Variants in UBN2 observed in about 807,000 individuals in gnomAD.
UBN2 encodes the protein ubinuclein 2, also known as ubinuclein-2.
A neutral mutation model predicts 120.2 loss-of-function variants in UBN2; 35 were observed. That is an observed-to-expected ratio of 0.29 (90% CI 0.22 to 0.39). The LOEUF (loss-of-function observed/expected upper bound fraction) is 0.39. UBN2 is among the 10% of genes least tolerant of loss of function. The probability of loss-of-function intolerance (pLI) is 1.00; values close to 1 mark genes in which losing one functional copy is unlikely to be tolerated. For synonymous variants in UBN2, 661 were observed against 648.7 expected (o/e 1.02, Z -0.29); for missense variants, 1,693 against 1,663.2 (o/e 1.02, Z -0.31).
chr7:139,257,198 A>G (rs969376934), intron 3 of UBN2, among the ~76,000 whole-genome samples: 2 of 152,164 alleles, frequency 1.3e-5, no homozygotes, highest in African/African-American at 2.4e-5. Context: ...AGCCATCTTT[A>G]TCAGGTGAGG....
At position 139,283,837 on chromosome 7, in the gene UBN2, C is replaced by G. The variant is rs753195328; in HGVS notation, c.2932C>G (p.Leu978Val). 3.7e-5 allele frequency: 60 copies of G among 1,614,054 alleles called. No homozygotes were observed. The East Asian group carries it at 3.8e-4, about 10-fold the overall frequency. ...ACTTATTAAGACTTCAGATAAGCCA[C>G]TTATGTACCGCCTTCCCTTATCTAC... ...SSLIKTSDKP[L>V]MYRLPLSTPS... is the part of the protein sequence containing the mutation. Residue 978 changes from leucine (L) to valine (V), a missense_variant, in exon 15 of 18, where the codon CTT becomes GTT. Physicochemically the swap from Leu to Val is conservative, Grantham distance 32. Coordinates refer to ENST00000473989, the MANE Select transcript of UBN2 (RefSeq NM_173569.4).
rs958478773 is a variant in UBN2, at chr7:139,305,507, C to G, written c.*7671C>G. Reference sequence around the variant, plus strand: ...TTAAATTTTATTTTTCTCATAGACTCTCAAAGTACCACTTGCTTGAAAGTA... The same window carrying G: ...TTAAATTTTATTTTTCTCATAGACTGTCAAAGTACCACTTGCTTGAAAGTA... On this transcript the variant is annotated 3_prime_UTR_variant, in exon 18 of 18. Transcript: ENST00000473989. 2 of 152,220 alleles carry G rather than the reference C, an allele frequency of 1.3e-5. No homozygotes were observed. Among genetic ancestry groups the G allele is most frequent in the Non-Finnish European group, 1.5e-5 (1 of 68,032 alleles). 9.4% of individuals were successfully genotyped at this position (152,220 alleles called of 1,614,324 possible).
the UBN2 span, among the ~76,000 whole-genome samples, chr7:139,324,985 AT>A: frequency 6.6e-6 from 1 of 152,046 alleles, no homozygotes; most frequent in African/African-American, 2.4e-5. Flanking sequence ...AAAAAATAAG[AT>A]TTTTCAGAAC....
chr7:139,261,467 T>A lies in UBN2; in HGVS notation c.1121T>A (p.Leu374Gln), dbSNP rs747208119. The A allele has an allele frequency of 2.5e-6, 4 of 1,614,246 alleles. No homozygotes were observed. In the East Asian group the frequency reaches 6.7e-5, roughly 27 times the overall value. The change falls in exon 6 of 18, where the codon CTG (leucine) becomes CAG (glutamine). Residue 374 changes from leucine to glutamine, a missense_variant. This residue lies in a region of UBN2 where 663 missense variants were observed against 591.2 expected (regional missense o/e 1.12). Transcript: ENST00000473989. Reference sequence around the variant, plus strand: ...GGGAATGACGTCCCGGACTTAAATCTGAGCAGCGGTGATCCAGACCTTCCC... The same window carrying A: ...GGGAATGACGTCCCGGACTTAAATCAGAGCAGCGGTGATCCAGACCTTCCC... ...ALGNDVPDLN[L>Q]SSGDPDLPIF...
chr7:139,254,224 C>T (rs1271798130), intron 3 of UBN2, among the ~76,000 whole-genome samples: 1 of 151,990 alleles, frequency 6.6e-6, no homozygotes, highest in Admixed American at 6.6e-5. Context: ...ACCCGGGAGG[C>T]GGAGCTTGCA....
At chr7:139,275,911 G>A (rs992466118) in intron 11 of UBN2, among the ~76,000 whole-genome samples, 186 bp from the exon 12 acceptor site, 17 of 152,106 alleles carry the variant, frequency 1.1e-4, no homozygotes, top group Non-Finnish European at 2.4e-4. Flanking sequence ...GGAGGCCTAG[G>A]TTATAGTGAG....
chr7:139,326,256 A>AAAACAAACAAAC, the UBN2 span, among the ~76,000 whole-genome samples: 1 of 151,662 alleles, frequency 6.6e-6, no homozygotes, highest in South Asian at 2.1e-4. Flanking sequence ...ACTCTGTCTC[A>AAAACAAACAAAC]AAACAAACAA....
intron 2 of UBN2, among the ~76,000 whole-genome samples, chr7:139,241,032 A>G (rs1357145923): frequency 2.6e-5 from 4 of 152,206 alleles, no homozygotes; most frequent in East Asian, 3.8e-4. Context: ...TAAGGCTCCA[A>G]AATGTTTAGG....
At position 139,258,530 on chromosome 7, in the gene UBN2, G is replaced by A. The variant is rs796374592; in HGVS notation, c.706G>A (p.Gly236Ser). The A allele has an allele frequency of 6.2e-7, 1 of 1,600,008 alleles. No homozygotes were observed. The change falls in exon 4 of 18, where the codon GGC (glycine) becomes AGC (serine). Residue 236 changes from glycine (G) to serine (S), a missense_variant. Coordinates refer to ENST00000473989, the MANE Select transcript of UBN2 (RefSeq NM_173569.4). ...VPASLTTKYG[G>S]FYINTGTLQF... Reference sequence around the variant, plus strand: ...CGCTTCTCTAACAACAAAATATGGAGGCTTTTATATCAACACTGGCACTCT... The same window carrying A: ...CGCTTCTCTAACAACAAAATATGGAAGCTTTTATATCAACACTGGCACTCT...
the UBN2 span, among the ~76,000 whole-genome samples, chr7:139,315,883 C>G: frequency 1.3e-5 from 2 of 151,976 alleles, no homozygotes; most frequent in African/African-American, 4.8e-5. Flanking sequence ...TCGAGACCAG[C>G]CTGGCCAACA....
chr7:139,297,959 A>G lies in UBN2; in HGVS notation c.*123A>G. The G allele has an allele frequency of 9.2e-7, 1 of 1,088,086 alleles. No homozygotes were observed. The highest frequency in any genetic ancestry group is 1.4e-6 in the Non-Finnish European group (1 of 729,404). 67.4% of individuals were successfully genotyped at this position (1,088,086 alleles called of 1,614,324 possible). A position where few individuals can be genotyped will look rare whatever the true frequency, so the allele number is the denominator to read the frequency against. On this transcript the variant is annotated 3_prime_UTR_variant, in exon 18 of 18. Transcript: ENST00000473989. ...ATGTTTACATTCTCTCGTCCCAAGC[A>G]CTGTGGTGAGGAGGAAAAAGAAAAG...
Position 139,279,292 on chromosome 7 carries a change from A to T in UBN2, c.2025-26A>T, listed in dbSNP as rs771625785. The stretch of plus-strand genomic sequence containing the variant: ...TGAGCAATATAACTGCTACTGAAAT[A>T]GCCTTTTAAAATCTTTTTATCTTAG... On this transcript the variant is annotated intron_variant, in intron 12 of 17. Coordinates refer to ENST00000473989, the MANE Select transcript of UBN2 (RefSeq NM_173569.4). 3.1e-6 allele frequency: 5 copies of T among 1,591,750 alleles called. No homozygotes were observed. In the African/African-American group the frequency reaches 6.7e-5, roughly 21 times the overall value.
chr7:139,325,824 C>T, the UBN2 span, among the ~76,000 whole-genome samples: 131 of 152,244 alleles, frequency 8.6e-4, no homozygotes, highest in East Asian at 5.6e-3. Context: ...TTTACCTTCA[C>T]ATAAAGATTG....
intron 4 of UBN2, 50 bp downstream of exon 4, chr7:139,258,675 AT>A (rs767796665): frequency 2.0e-5 from 29 of 1,458,732 alleles, no homozygotes; most frequent in Middle Eastern, 1.8e-4. Flanking sequence ...AATTAATAGG[AT>A]TTTTTTTAAT....
downstream of UBN2, among the ~76,000 whole-genome samples, chr7:139,311,915 C>G (rs1335094898): frequency 5.9e-5 from 9 of 152,238 alleles, no homozygotes; most frequent in Admixed American, 5.9e-4. Flanking sequence ...AGATCCAGCT[C>G]TGTCTCCACT....
At position 139,231,575 on chromosome 7, in the gene UBN2, T is replaced by G; in HGVS notation, c.91T>G (p.Tyr31Asp). 7.1e-7 allele frequency: 1 copy of G among 1,400,900 alleles called. No individual in the cohort carries two copies. The highest frequency in any genetic ancestry group is 9.4e-7 in the Non-Finnish European group (1 of 1,068,626). The allele number at this position is 1,400,900 out of a possible 1,614,324, so 86.8% of individuals were successfully genotyped here. A position where few individuals can be genotyped will look rare whatever the true frequency, so the allele number is the denominator to read the frequency against. ...CCCGGGGCCCGAGCGTGAGCCCGAGTACCCCCGCGAGCCCCCCCGGCTGGA... is the reference window on the plus strand; with the variant it reads ...CCCGGGGCCCGAGCGTGAGCCCGAGGACCCCCGCGAGCCCCCCCGGCTGGA... The part of the protein sequence containing the change: ...EYPGPEREPE[Y>D]PREPPRLEPQ... Residue 31 changes from tyrosine (Y) to aspartate (D), a missense_variant, in exon 1 of 18, where the codon TAC becomes GAC. Physicochemically the swap from Tyr to Asp is radical, Grantham distance 160 (BLOSUM62 -3). Transcript: ENST00000473989.
the UBN2 span, among the ~76,000 whole-genome samples, chr7:139,321,215 C>T: frequency 6.6e-6 from 1 of 152,308 alleles, no homozygotes; most frequent in East Asian, 1.9e-4. Context: ...GTTAGCTCCA[C>T]ATTGGGAAGG....
intron 12 of UBN2, among the ~76,000 whole-genome samples, 193 bp from the exon 13 acceptor site, chr7:139,279,125 C>T (rs151282668): frequency 6.6e-6 from 1 of 152,070 alleles, no homozygotes; most frequent in East Asian, 1.9e-4. Flanking sequence ...AGTTGTTTGG[C>T]CTTTCAATTA....
At chr7:139,273,887 G>A (rs775525349) in intron 10 of UBN2, 44 bp from the exon 11 acceptor site, 2 of 1,513,104 alleles carry the variant, frequency 1.3e-6, no homozygotes, top group South Asian at 2.6e-5. Flanking sequence ...CCAAATGTAT[G>A]TTCTTCTAAA....
Sources: allele counts gnomAD v4.1 joint callset (sites outside exome capture counted in the v4.1 genomes callset), GRCh38; gene constraint gnomAD v4.1.1; regional missense constraint gnomAD v4.1.1; transcripts MANE v1.5; gene names NCBI Gene and HGNC (gene_info 2026-07-23, HGNC 2026-07-21).